SLC14A2: variants seen among roughly 807,000 people sequenced by gnomAD.
SLC14A2 encodes the protein urea transporter 2.
In SLC14A2, 91 loss-of-function variants were observed where a neutral mutation model predicts 104.6. That is an observed-to-expected ratio of 0.87 (90% CI 0.73 to 1.04). The LOEUF is 1.04. SLC14A2 is among the 50% of genes least tolerant of loss of function. The pLI is 0.00. For missense variants in SLC14A2, 1,189 were observed against 1,156.0 expected, an observed-to-expected ratio of 1.03 and a Z score of -0.41; for synonymous variants, 476 against 466.4, an observed-to-expected ratio of 1.02 and a Z score of -0.27.
At chr18:45,550,644 G>A (rs991350849) in intron 2 of SLC14A2, among the ~76,000 whole-genome samples, 12 of 152,290 alleles carry the variant, frequency 7.9e-5, no homozygotes, top group South Asian at 6.2e-4. Context: ...CATGGCTCTC[G>A]ACAGAGAGTG....
At chr18:45,464,120 T>C (rs149396825) in intron 1 of SLC14A2, among the ~76,000 whole-genome samples, 1,580 of 152,322 alleles carry the variant, frequency 0.01, 17 homozygotes, top group African/African-American at 0.025. Context: ...TGTTAAAGGA[T>C]AATAATTCCA....
intron 2 of SLC14A2, chr18:45,492,163 C>T (rs2043014169): frequency 6.6e-6 from 1 of 152,182 alleles, no homozygotes; most frequent in African/African-American, 2.4e-5. Flanking sequence ...ATGGGGAGGG[C>T]AAAATGGTCC....
At chr18:45,615,420 G>A (rs569655636), upstream of SLC14A2, 1 of 152,166 alleles carries the variant, frequency 6.6e-6, no homozygotes, top group South Asian at 2.1e-4. Context: ...TCGTGATAGT[G>A]AGTGAATTCT....
intron 1 of SLC14A2, among the ~76,000 whole-genome samples, chr18:45,237,277 C>A (rs1490677431): frequency 1.3e-5 from 2 of 152,252 alleles, no homozygotes; most frequent in East Asian, 3.9e-4. Context: ...ACTAAAGAAG[C>A]CTCAAGAGGA....
chr18:45,262,718 G>A (rs1303719180), intron 1 of SLC14A2, among the ~76,000 whole-genome samples: 1 of 152,146 alleles, frequency 6.6e-6, no homozygotes, highest in African/African-American at 2.4e-5. Context: ...CCGGTCCTGA[G>A]TACCCGCTGT....
chr18:45,201,337 T>C, the SLC14A2 span, among the ~76,000 whole-genome samples: 1 of 152,190 alleles, frequency 6.6e-6, no homozygotes, highest in African/African-American at 2.4e-5. Context: ...GAGGGCTGAG[T>C]ATCCACATCA....
At chr18:45,210,282 A>G (rs542134114), upstream of SLC14A2, among the ~76,000 whole-genome samples, 1 of 152,344 alleles carries the variant, frequency 6.6e-6, no homozygotes, top group Non-Finnish European at 1.5e-5. Context: ...ACCCTCCAAA[A>G]GCAGTACTCC....
In SLC14A2 at chr18:45,363,061, C is replaced by T. The variant is rs1480966107; in HGVS notation, c.-124-120172C>T. Among the ~76,000 whole-genome samples the T allele has an allele frequency of 3.3e-5, 5 of 152,286 alleles. No homozygotes were observed. The East Asian group carries it at 5.8e-4, about 18-fold the overall frequency. On this transcript the variant is annotated intron_variant, in intron 1 of 20. Coordinates refer to the SLC14A2 transcript ENST00000586448. The stretch of plus-strand genomic sequence containing the variant: ...CCCCTGCCTGCCCTTCCCTGTGCAA[C>T]GACCCCCCCAACCCTCGGCCAAATC...
intron 1 of SLC14A2, among the ~76,000 whole-genome samples, chr18:45,231,111 A>G (rs1293570279): frequency 1.3e-5 from 2 of 152,246 alleles, no homozygotes; most frequent in Non-Finnish European, 2.9e-5. Flanking sequence ...AAATTGACGC[A>G]CAGAGAAGTT....
chr18:45,243,534 AT>A (rs1427885899), intron 1 of SLC14A2, among the ~76,000 whole-genome samples: 2 of 152,238 alleles, frequency 1.3e-5, no homozygotes, highest in African/African-American at 4.8e-5. Context: ...CCTGAGAGTT[AT>A]TTAGAAAAAC....
intron 1 of SLC14A2, among the ~76,000 whole-genome samples, chr18:45,259,215 G>A (rs2084510663): frequency 6.6e-6 from 1 of 152,154 alleles, no homozygotes; most frequent in East Asian, 1.9e-4. Context: ...CTATCACTCT[G>A]GAATAATTTT....
At chr18:45,564,088 C>T (rs1481137065) in intron 2 of SLC14A2, among the ~76,000 whole-genome samples, 1 of 152,202 alleles carries the variant, frequency 6.6e-6, no homozygotes, top group East Asian at 1.9e-4. Flanking sequence ...ATCAGCAAGA[C>T]ATTTAAACAT....
chr18:45,633,946 C>T (rs2045381673), intron 5 of SLC14A2, among the ~76,000 whole-genome samples: 1 of 152,150 alleles, frequency 6.6e-6, no homozygotes, highest in Non-Finnish European at 1.5e-5. Context: ...CCCCCACGTT[C>T]CTGCCTGTGA....
At chr18:45,279,379 G>T (rs1286616765) in intron 1 of SLC14A2, among the ~76,000 whole-genome samples, 1 of 152,192 alleles carries the variant, frequency 6.6e-6, no homozygotes, top group East Asian at 1.9e-4. Context: ...ATATCACTTT[G>T]AGGGCTTGCA....
intron 1 of SLC14A2, among the ~76,000 whole-genome samples, chr18:45,419,048 G>A (rs2144513426): frequency 6.6e-6 from 1 of 152,342 alleles, no homozygotes; most frequent in South Asian, 2.1e-4. Flanking sequence ...GATTTCTCAA[G>A]ATTTAATGTG....
At chr18:45,585,891 C>T (rs916313447) in intron 2 of SLC14A2, among the ~76,000 whole-genome samples, 18 of 152,172 alleles carry the variant, frequency 1.2e-4, no homozygotes, top group African/African-American at 4.3e-4. Context: ...CACCCTATCT[C>T]GCACTTAGAG....
intron 2 of SLC14A2, among the ~76,000 whole-genome samples, chr18:45,574,361 T>C (rs1599020943): frequency 6.6e-6 from 1 of 152,160 alleles, no homozygotes; most frequent in African/African-American, 2.4e-5. Context: ...GTAGATTAGG[T>C]CCAGAATATC....
chr18:45,194,852 G>A, the SLC14A2 span, among the ~76,000 whole-genome samples: 17 of 151,942 alleles, frequency 1.1e-4, no homozygotes, highest in East Asian at 3.3e-3. Context: ...CACCGTGTTA[G>A]CCAGGACGGT....
chr18:45,255,773 T>C (rs1352359517), intron 1 of SLC14A2, among the ~76,000 whole-genome samples: 1 of 152,020 alleles, frequency 6.6e-6, no homozygotes, highest in African/African-American at 2.4e-5. Context: ...GGGGAAAATA[T>C]ATATATATTT....
Sources: allele counts gnomAD v4.1 joint callset (sites outside exome capture counted in the v4.1 genomes callset), GRCh38; gene constraint gnomAD v4.1.1; transcripts MANE v1.5; gene names NCBI Gene and HGNC (gene_info 2026-07-23, HGNC 2026-07-21).